Variants in SQSTM1 observed in about 807,000 individuals in gnomAD.
SQSTM1 encodes sequestosome-1.
In SQSTM1, 36 loss-of-function variants were observed where a neutral mutation model predicts 45.1. The ratio of observed to expected loss-of-function variants is 0.80; its 90% CI spans 0.61 to 1.05. The LOEUF is 1.05. Among genes scored for constraint, SQSTM1 ranks in the 50% least tolerant of loss-of-function variants. The pLI, the probability that SQSTM1 is intolerant of heterozygous loss-of-function variation, is 0.00. For synonymous variants in SQSTM1, 290 were observed against 244.3 expected (o/e 1.19, Z -1.74); for missense variants, 617 against 607.1 (o/e 1.02, Z -0.17).
upstream of SQSTM1, among the ~76,000 whole-genome samples, chr5:179,817,745 C>A (rs1757627588): frequency 6.6e-6 from 1 of 152,198 alleles, no homozygotes; most frequent in African/African-American, 2.4e-5. Flanking sequence ...GCGGGTGGCT[C>A]ACGCCTGCAG....
At chr5:179,822,304 A>G (rs1444105600) in intron 1 of SQSTM1, among the ~76,000 whole-genome samples, 1 of 151,982 alleles carries the variant, frequency 6.6e-6, no homozygotes, top group Non-Finnish European at 1.5e-5. Flanking sequence ...TGGACAGGCC[A>G]TGTTTTGTTT....
At chr5:179,815,283 G>C (rs1352501022), upstream of SQSTM1, among the ~76,000 whole-genome samples, 5 of 152,268 alleles carry the variant, frequency 3.3e-5, no homozygotes, top group Admixed American at 2.0e-4. Context: ...CAGATATGGT[G>C]GTGGGCGCCT....
chr5:179,831,517 C>A (rs771013045), intron 5 of SQSTM1, among the ~76,000 whole-genome samples: 13 of 152,080 alleles, frequency 8.5e-5, no homozygotes, highest in Non-Finnish European at 1.8e-4. Context: ...TAAAAATTAG[C>A]TGGGCGTGGT....
At chr5:179,824,853 C>T (rs558125279) in intron 4 of SQSTM1, among the ~76,000 whole-genome samples, 2 of 152,052 alleles carry the variant, frequency 1.3e-5, no homozygotes, top group African/African-American at 2.4e-5. Context: ...CATATTTACT[C>T]AAGGAGGTGA....
At chr5:179,820,499 T>G, upstream of SQSTM1, 2 of 157,422 alleles carry the variant, frequency 1.3e-5, no homozygotes, top group Non-Finnish European at 2.8e-5. Flanking sequence ...AGCCTCCTGA[T>G]ATGGGGGCTG....
At chr5:179,835,093 G>A (rs449910) in intron 7 of SQSTM1, 11,585 of 211,638 alleles carry the variant, frequency 0.055, 382 homozygotes, top group Middle Eastern at 0.11. Context: ...GGATGGGGTC[G>A]CGGCCAGGCA....
At chr5:179,834,165 G>A (rs1666059144) in intron 7 of SQSTM1, among the ~76,000 whole-genome samples, 1 of 139,714 alleles carries the variant, frequency 7.2e-6, no homozygotes, top group African/African-American at 2.7e-5. Flanking sequence ...GAGGGGGGGG[G>A]GTCATAGCCA....
chr5:179,811,902 T>C (rs1301845022), intron 2 of SQSTM1: 1 of 152,194 alleles, frequency 6.6e-6, no homozygotes, highest in African/African-American at 2.4e-5. Context: ...CCTCCCGGGT[T>C]CACACCATTC....
At chr5:179,811,437 T>C (rs1757399467) in intron 1 of SQSTM1, 2 of 147,910 alleles carry the variant, frequency 1.4e-5, no homozygotes, top group Admixed American at 6.8e-5. Flanking sequence ...CTTGGTCTCA[T>C]GTTCGGGGTG....
Position 179,836,783 on chromosome 5 carries a change from T to A in SQSTM1, c.*190T>A, listed in dbSNP as rs979372280. 4.5e-5 allele frequency: 38 copies of A among 842,164 alleles called. No individual in the cohort carries two copies. The African/African-American group carries it at 5.9e-4, about 13-fold the overall frequency. The allele number at this position is 842,164 out of a possible 1,614,324, so 52.2% of individuals were successfully genotyped here. On this transcript the variant is annotated 3_prime_UTR_variant, in exon 8 of 8. Transcript: ENST00000389805. ...GGAGGGTCCCTGTGTGTGTGTGTGC[T>A]GATGTTTCCTGGGTGCCCTGGCTCC...
intron 2 of SQSTM1, among the ~76,000 whole-genome samples, chr5:179,813,865 C>T (rs1757505907): frequency 6.6e-6 from 1 of 152,232 alleles, no homozygotes; most frequent in African/African-American, 2.4e-5. Flanking sequence ...CATCCCCAGA[C>T]ATGGCACCAC....
Position 179,836,967 on chromosome 5 carries a change from A to C in SQSTM1, c.*374A>C. 4.9e-6 allele frequency: 3 copies of C among 606,822 alleles called. No individual in the cohort carries two copies. The highest frequency in any genetic ancestry group is 5.8e-6 in the Non-Finnish European group (2 of 343,370). 37.6% of individuals were successfully genotyped at this position (606,822 alleles called of 1,614,324 possible). A position where few individuals can be genotyped will look rare whatever the true frequency, so the allele number is the denominator to read the frequency against. On this transcript the variant is annotated 3_prime_UTR_variant, in exon 8 of 8. Coordinates refer to ENST00000389805, the MANE Select transcript of SQSTM1 (RefSeq NM_003900.5). Reference sequence around the variant, plus strand: ...CTCATAGGTCCCTGACATTTAGTTGATTATTTTCTGCTACAGACCTGGTAC... The same window carrying C: ...CTCATAGGTCCCTGACATTTAGTTGCTTATTTTCTGCTACAGACCTGGTAC...
intron 1 of SQSTM1, among the ~76,000 whole-genome samples, chr5:179,809,325 ATTTTTT>A (rs71001049): frequency 3.9e-4 from 16 of 41,072 alleles, no homozygotes; most frequent in South Asian, 1.4e-3. Context: ...CGCCTGGCTA[ATTTTTT>A]TTTTTTTTTT....
chr5:179,807,318 G>A (rs1223115375), intron 1 of SQSTM1: 1 of 152,302 alleles, frequency 6.6e-6, no homozygotes, highest in African/African-American at 2.4e-5. Flanking sequence ...GGCGGTTGAA[G>A]CCGGGAGCGA....
At chr5:179,824,411 G>C (rs1757918014) in intron 4 of SQSTM1, 88 bp downstream of exon 4, 1 of 1,595,944 alleles carries the variant, frequency 6.3e-7, no homozygotes, top group Non-Finnish European at 8.6e-7. Flanking sequence ...GTGTGTGCAA[G>C]GCAAGAATTC....
Position 179,835,260 on chromosome 5 carries a change from C to T in SQSTM1, c.1166-1176C>T, listed in dbSNP as rs1282596759. 61 of 180,674 alleles carry T rather than the reference C, an allele frequency of 3.4e-4. 1 individual carries two copies. The highest frequency in any genetic ancestry group is 9.0e-4 in the South Asian group (12 of 13,310). 11.2% of individuals were successfully genotyped at this position (180,674 alleles called of 1,614,324 possible). A position where few individuals can be genotyped will look rare whatever the true frequency, so the allele number is the denominator to read the frequency against. On this transcript the variant is annotated intron_variant, in intron 7 of 7. Coordinates refer to ENST00000389805, the MANE Select transcript of SQSTM1 (RefSeq NM_003900.5). ...CAGACGATGGGCGGCCAGGCAGAGA[C>T]GCTCCTCACTTCCCAGACGGGGTGG...
chr5:179,817,907 G>A (rs1418178607), upstream of SQSTM1, among the ~76,000 whole-genome samples: 4 of 151,528 alleles, frequency 2.6e-5, no homozygotes, highest in Non-Finnish European at 5.9e-5. Context: ...TACTTGGGAG[G>A]CTGAGGCAGG....
intron 2 of SQSTM1, chr5:179,812,005 C>A (rs577547302): frequency 6.6e-6 from 1 of 152,036 alleles, no homozygotes; most frequent in Admixed American, 6.5e-5. Context: ...GGGGTTTCAC[C>A]GTGTTAGCCA....
At chr5:179,815,059 C>T (rs1757540046), upstream of SQSTM1, among the ~76,000 whole-genome samples, 1 of 152,150 alleles carries the variant, frequency 6.6e-6, no homozygotes, top group African/African-American at 2.4e-5. Flanking sequence ...ATAGCTGACT[C>T]CCAGGTTTCT....
Sources: gnomAD v4.1 joint callset for allele counts (sites outside exome capture counted in the v4.1 genomes callset) on GRCh38, gnomAD v4.1.1 for gene constraint, MANE v1.5 for transcripts, NCBI Gene and HGNC (gene_info 2026-07-23, HGNC 2026-07-21) for gene names.